The following ZNF665 variants were observed in gnomAD, a reference collection of about 807,000 sequenced individuals.
ZNF665 encodes the protein zinc finger protein 665.
ZNF665 carries 6 observed loss-of-function variants against 7.9 expected under a neutral mutation model. The ratio of observed to expected loss-of-function variants is 0.76; its 90% CI spans 0.42 to 1.50. ZNF665 has a LOEUF of 1.50. ZNF665 is among the 40% of genes most tolerant of loss of function. The probability of loss-of-function intolerance (pLI) is 0.01; values close to 1 mark genes in which losing one functional copy is unlikely to be tolerated. For synonymous variants in ZNF665, 242 were observed against 274.5 expected, an observed-to-expected ratio of 0.88 and a Z score of 1.17; for missense variants, 819 against 806.7, an observed-to-expected ratio of 1.02 and a Z score of -0.18.
intron 3 of ZNF665, among the ~76,000 whole-genome samples, chr19:53,167,706 A>G (rs2090627012): frequency 6.8e-6 from 1 of 147,942 alleles, no homozygotes; most frequent in South Asian, 2.2e-4. Context: ...TCAGCCTCCT[A>G]AAGTGCTGGG....
Position 53,164,151 on chromosome 19 carries a change from TTTTG to T in ZNF665, c.*298_*301del. 6.4e-6 allele frequency: 1 copy of T among 156,434 alleles called. No homozygotes were observed. Among genetic ancestry groups the T allele is most frequent in the Non-Finnish European group, 1.4e-5 (1 of 71,426 alleles). The allele number at this position is 156,434 out of a possible 1,614,324, so 9.7% of individuals were successfully genotyped here. A position where few individuals can be genotyped will look rare whatever the true frequency, so the allele number is the denominator to read the frequency against. Reference sequence around the variant, plus strand: ...AAGGTTACTTTTTTTTTTTTTTTTTTTTTGGAGATGGAGTTTCACTCCTGTTGCC... The same window carrying T: ...AAGGTTACTTTTTTTTTTTTTTTTTTGAGATGGAGTTTCACTCCTGTTGCC... On this transcript the variant is annotated 3_prime_UTR_variant, in exon 4 of 4. Coordinates refer to ENST00000396424, the MANE Select transcript of ZNF665 (RefSeq NM_024733.5).
intron 2 of ZNF665, chr19:53,179,915 A>G (rs1483618790): frequency 1.3e-5 from 2 of 152,240 alleles, no homozygotes; most frequent in African/African-American, 4.8e-5. Context: ...ATTTGGCCAC[A>G]GAAGTCTTCT....
intron 3 of ZNF665, among the ~76,000 whole-genome samples, chr19:53,171,524 A>ATATATTTTTTT (rs372855271): frequency 2.7e-4 from 19 of 69,324 alleles, no homozygotes; most frequent in East Asian, 1.9e-3. Context: ...ATATATATAT[A>ATATATTTTTTT]TTTTTTTTTT....
Position 53,171,469 on chromosome 19 carries a change from GATT to G in ZNF665, c.142+3973_142+3975del, listed in dbSNP as rs553631575. On this transcript the variant is annotated intron_variant, in intron 3 of 3. Transcript: ENST00000396424. ...ACTAAAATTAGTTCTATACAATTAT[GATT>G]ATTATATCTTTACATTTGTGTGTGT... is the stretch of plus-strand genomic sequence containing the variant. Among the ~76,000 whole-genome samples, 283 of 128,056 alleles carry G rather than the reference GATT, an allele frequency of 2.2e-3. 1 individual carries two copies. The highest frequency in any genetic ancestry group is 7.6e-3 in the African/African-American group (270 of 35,492). The allele number at this position is 128,056 out of a possible 152,430, so 84.0% of individuals were successfully genotyped here. A position where few individuals can be genotyped will look rare whatever the true frequency, so the allele number is the denominator to read the frequency against.
intron 3 of ZNF665, among the ~76,000 whole-genome samples, chr19:53,167,823 G>A (rs1440481564): frequency 8.8e-5 from 13 of 148,282 alleles, no homozygotes; most frequent in African/African-American, 3.2e-4. Context: ...TTGGGAGGCC[G>A]AGGCGGGTGG....
At chr19:53,167,516 G>T (rs1313480435) in intron 3 of ZNF665, among the ~76,000 whole-genome samples, 2 of 149,146 alleles carry the variant, frequency 1.3e-5, no homozygotes, top group Non-Finnish European at 1.5e-5. Flanking sequence ...GCGCGATCTC[G>T]GCTCACTGCA....
rs2090587317 is a variant in ZNF665 at position 53,164,391 on chromosome 19, GC to G, written c.*61del. 1 of 1,350,076 alleles carries G rather than the reference GC, an allele frequency of 7.4e-7. No individual in the cohort carries two copies. Among genetic ancestry groups the G allele is most frequent in the Non-Finnish European group, 9.9e-7 (1 of 1,007,698 alleles). 83.6% of individuals were successfully genotyped at this position (1,350,076 alleles called of 1,614,324 possible). The stretch of plus-strand genomic sequence containing the variant: ...GACCTCAGGTGATCCCCCCGCCTCG[GC>G]CTCCCAAAGTGCTGGGATTACAGGC... On this transcript the variant is annotated 3_prime_UTR_variant, in exon 4 of 4. Coordinates refer to ENST00000396424, the MANE Select transcript of ZNF665 (RefSeq NM_024733.5).
chr19:53,182,720 G>T, intron 2 of ZNF665, 164 bp downstream of exon 2: 1 of 1,294,896 alleles, frequency 7.7e-7, no homozygotes, highest in Non-Finnish European at 1.1e-6. Flanking sequence ...TGGGTCACCA[G>T]AGATGGAATC....
intron 1 of ZNF665, among the ~76,000 whole-genome samples, chr19:53,183,416 C>A (rs1452546967): frequency 6.6e-6 from 1 of 152,184 alleles, no homozygotes; most frequent in East Asian, 1.9e-4. Context: ...TGGGCTGCAA[C>A]TTATCTGAAT....
In ZNF665 at chr19:53,165,726, A is replaced by G. The variant is rs368866528; in HGVS notation, c.764T>C (p.Ile255Thr). The G allele has an allele frequency of 3.9e-5, 63 of 1,614,022 alleles. No homozygotes were observed. Among genetic ancestry groups the G allele is most frequent in the Non-Finnish European group, 5.2e-5 (61 of 1,180,034 alleles). Residue 255 changes from isoleucine to threonine, a missense_variant, in exon 4 of 4, where the codon ATT becomes ACT. Coordinates refer to ENST00000396424, the MANE Select transcript of ZNF665 (RefSeq NM_024733.5). The stretch of plus-strand genomic sequence containing the variant: ...CTTGTAAGGTTTCTCTCCAGTATGA[A>G]TTCTCTGATGACCTGCAAGGTTTGA... ...QPSNLAGHQRIHTGEKPYKCN... is the reference protein window; with the variant it reads ...QPSNLAGHQRTHTGEKPYKCN...
chr19:53,180,225 G>C (rs903337754), intron 2 of ZNF665, among the ~76,000 whole-genome samples: 1 of 152,108 alleles, frequency 6.6e-6, no homozygotes, highest in Non-Finnish European at 1.5e-5. Flanking sequence ...CTGAGGTCAG[G>C]AGTTCGAGAC....
chr19:53,189,391 A>C (rs541700782), intron 1 of ZNF665, among the ~76,000 whole-genome samples: 11 of 151,044 alleles, frequency 7.3e-5, no homozygotes, highest in African/African-American at 2.4e-4. Context: ...TATTTATTGG[A>C]TACAAGGCAG....
chr19:53,189,661 A>G (rs1338440599), intron 1 of ZNF665, among the ~76,000 whole-genome samples: 2 of 148,666 alleles, frequency 1.3e-5, no homozygotes, highest in Non-Finnish European at 3.0e-5. Context: ...TGACCACCGA[A>G]GCACAGCATC....
chr19:53,164,265 G>A lies in ZNF665; in HGVS notation c.*188C>T. 1 of 452,674 alleles carries A rather than the reference G, an allele frequency of 2.2e-6. No homozygotes were observed. The highest frequency in any genetic ancestry group is 3.6e-5 in the East Asian group (1 of 27,444). 28.0% of individuals were successfully genotyped at this position (452,674 alleles called of 1,614,324 possible). Reference sequence around the variant, plus strand: ...TGATTCTCCTGCCTCAGCCTCCCGAGTAGCTGGGATTACAGGCGTGCACCA... The same window carrying A: ...TGATTCTCCTGCCTCAGCCTCCCGAATAGCTGGGATTACAGGCGTGCACCA... On this transcript the variant is annotated 3_prime_UTR_variant, in exon 4 of 4. Coordinates refer to ENST00000396424, the MANE Select transcript of ZNF665 (RefSeq NM_024733.5).
At chr19:53,172,705 G>C (rs932413034) in intron 3 of ZNF665, among the ~76,000 whole-genome samples, 4 of 151,504 alleles carry the variant, frequency 2.6e-5, no homozygotes, top group Non-Finnish European at 5.9e-5. Flanking sequence ...CACGCCTGTA[G>C]TCCCAGCTAC....
chr19:53,170,147 C>A (rs1283657648), intron 3 of ZNF665, among the ~76,000 whole-genome samples: 2 of 150,372 alleles, frequency 1.3e-5, no homozygotes, highest in East Asian at 3.9e-4. Flanking sequence ...TACAGTCCCA[C>A]CAACAGTGTA....
At chr19:53,173,264 T>C (rs1277574558) in intron 3 of ZNF665, among the ~76,000 whole-genome samples, 4 of 152,212 alleles carry the variant, frequency 2.6e-5, no homozygotes, top group Non-Finnish European at 5.9e-5. Context: ...TGGATATTGC[T>C]TTTTTCTAGC....
chr19:53,169,029 G>A (rs978520424), intron 3 of ZNF665, among the ~76,000 whole-genome samples: 3 of 151,826 alleles, frequency 2.0e-5, no homozygotes, highest in Non-Finnish European at 4.4e-5. Context: ...TGGAGCCCTC[G>A]GATCAAGCAA....
intron 2 of ZNF665, among the ~76,000 whole-genome samples, chr19:53,178,459 C>G (rs2090713959): frequency 6.6e-6 from 1 of 152,288 alleles, no homozygotes; most frequent in Non-Finnish European, 1.5e-5. Flanking sequence ...CATGGTGGCT[C>G]ATGCCTGTAG....
Sources: gnomAD v4.1 joint callset for allele counts (sites outside exome capture counted in the v4.1 genomes callset) on GRCh38, gnomAD v4.1.1 for gene constraint, MANE v1.5 for transcripts, NCBI Gene and HGNC (gene_info 2026-07-23, HGNC 2026-07-21) for gene names.